The following GRID1 variants were observed in gnomAD, a reference collection of about 807,000 sequenced individuals.
GRID1 encodes the protein glutamate ionotropic receptor delta type subunit 1.
Under a neutral mutation model 98.0 loss-of-function variants are expected in GRID1, and 28 were observed. The observed-to-expected ratio is 0.29, with a 90% confidence interval of 0.21 to 0.39. The LOEUF (loss-of-function observed/expected upper bound fraction) is 0.39, where lower values mean the gene tolerates loss of function less well. GRID1 is among the 10% of genes least tolerant of loss of function. GRID1 has a pLI of 1.00. For synonymous variants in GRID1, 553 were observed against 538.5 expected (o/e 1.03, Z -0.37); for missense variants, 1,111 against 1,340.5 (o/e 0.83, Z 2.67).
intron 5 of GRID1, among the ~76,000 whole-genome samples, chr10:85,896,260 T>A (rs890190661): frequency 5.3e-5 from 8 of 152,194 alleles, no homozygotes; most frequent in Middle Eastern, 3.2e-3. Context: ...ATTAAAATGA[T>A]CTACCCAATA....
At chr10:85,991,315 G>T (rs61856008) in intron 4 of GRID1, among the ~76,000 whole-genome samples, 8,512 of 152,262 alleles carry the variant, frequency 0.056, 300 homozygotes, top group Middle Eastern at 0.092. Flanking sequence ...GCAAAGTAGG[G>T]GAGGAGCAAA....
rs553917126 is a variant in GRID1, at chr10:85,793,858, C to T, written c.1233+60638G>A. 7.2e-5 allele frequency among the ~76,000 whole-genome samples: 11 copies of T among 152,212 alleles called. 1 individual carries two copies. The South Asian group carries it at 2.3e-3, about 32-fold the overall frequency. On this transcript the variant is annotated intron_variant, in intron 8 of 15. Transcript: ENST00000327946. ...CTCTGCAGAGCATTCCTGGGATAGT[C>T]CTGGGTCCTACCAGGAATGACAACA...
At chr10:86,006,599 A>G (rs1842863413) in intron 4 of GRID1, among the ~76,000 whole-genome samples, 1 of 152,056 alleles carries the variant, frequency 6.6e-6, no homozygotes, top group African/African-American at 2.4e-5. Context: ...GCCTGGCGAC[A>G]GAGCGAGACG....
intron 4 of GRID1, among the ~76,000 whole-genome samples, chr10:85,995,389 A>G (rs1406139683): frequency 6.6e-6 from 1 of 152,204 alleles, no homozygotes; most frequent in Non-Finnish European, 1.5e-5. Context: ...CAGGGTCTCC[A>G]GCCTTAGGGG....
intron 13 of GRID1, among the ~76,000 whole-genome samples, chr10:85,620,297 T>G (rs1397846483): frequency 1.3e-5 from 2 of 152,148 alleles, no homozygotes; most frequent in Admixed American, 6.5e-5. Context: ...GAGCTAGAGG[T>G]GGGCTCTAAG....
intron 2 of GRID1, among the ~76,000 whole-genome samples, chr10:86,340,185 G>A (rs913448528): frequency 7.9e-5 from 12 of 152,146 alleles, no homozygotes; most frequent in Non-Finnish European, 1.8e-4. Flanking sequence ...GCTGAGCAAG[G>A]ATCAGAGCAA....
At chr10:86,087,006 T>C (rs142473437) in intron 4 of GRID1, among the ~76,000 whole-genome samples, 7 of 152,358 alleles carry the variant, frequency 4.6e-5, no homozygotes, top group African/African-American at 1.7e-4. Flanking sequence ...TTCTTGCCTG[T>C]GTATGTCAAA....
chr10:85,718,016 C>T (rs995051429), intron 12 of GRID1, among the ~76,000 whole-genome samples: 1 of 152,194 alleles, frequency 6.6e-6, no homozygotes, highest in Non-Finnish European at 1.5e-5. Context: ...GCAACTCCGC[C>T]CCTGTGGCTT....
intron 8 of GRID1, among the ~76,000 whole-genome samples, chr10:85,741,696 T>G (rs1165977460): frequency 6.6e-6 from 1 of 152,142 alleles, no homozygotes; most frequent in Non-Finnish European, 1.5e-5. Flanking sequence ...TATTTCATTC[T>G]TCTCAAAATT....
At chr10:85,709,115 T>C (rs1015864125) in intron 12 of GRID1, 5 of 337,326 alleles carry the variant, frequency 1.5e-5, no homozygotes, top group East Asian at 8.6e-5. Flanking sequence ...GACTTTGAGA[T>C]GGTATACCAG....
chr10:86,065,557 T>C (rs943387594), intron 4 of GRID1, among the ~76,000 whole-genome samples: 1 of 152,250 alleles, frequency 6.6e-6, no homozygotes, highest in Non-Finnish European at 1.5e-5. Flanking sequence ...GTCTATTTCC[T>C]AGCCAGTGGG....
intron 8 of GRID1, among the ~76,000 whole-genome samples, chr10:85,742,381 A>G (rs1344459394): frequency 6.6e-6 from 1 of 152,204 alleles, no homozygotes; most frequent in Non-Finnish European, 1.5e-5. Context: ...ATTAAGCGGC[A>G]GGCTGCATTG....
At chr10:85,668,253 C>T (rs1239609190) in intron 12 of GRID1, among the ~76,000 whole-genome samples, 1 of 152,180 alleles carries the variant, frequency 6.6e-6, no homozygotes, top group Non-Finnish European at 1.5e-5. Context: ...GAAAGAAATG[C>T]ACATAGACAA....
In GRID1 at chr10:85,603,903, A is replaced by G. The variant is rs185778932; in HGVS notation, c.2602-1202T>C. On this transcript the variant is annotated intron_variant, in intron 15 of 15. Transcript: ENST00000327946. Reference sequence around the variant, plus strand: ...CCCCTGTCCACCTTGCAGGGGAGTTAGAAATATTAAGAAATGTAGAAGCCC... The same window carrying G: ...CCCCTGTCCACCTTGCAGGGGAGTTGGAAATATTAAGAAATGTAGAAGCCC... 7.0e-4 allele frequency among the ~76,000 whole-genome samples: 107 copies of G among 152,032 alleles called. 1 individual carries two copies. Among genetic ancestry groups the G allele is most frequent in the Middle Eastern group, 3.4e-3 (1 of 294 alleles).
chr10:86,132,687 G>A (rs959977716), intron 4 of GRID1, among the ~76,000 whole-genome samples: 6 of 152,202 alleles, frequency 3.9e-5, no homozygotes, highest in African/African-American at 9.6e-5. Flanking sequence ...ACAACAGAAC[G>A]TTGAGATTGC....
At chr10:85,972,997 T>A (rs1034417550) in intron 4 of GRID1, among the ~76,000 whole-genome samples, 1 of 152,212 alleles carries the variant, frequency 6.6e-6, no homozygotes, top group Non-Finnish European at 1.5e-5. Context: ...CCTGAAGATG[T>A]TCATTTTGCT....
chr10:86,068,224 G>T (rs1471029703), intron 4 of GRID1, among the ~76,000 whole-genome samples: 1 of 152,178 alleles, frequency 6.6e-6, no homozygotes, highest in African/African-American at 2.4e-5. Context: ...TGTGACCCAG[G>T]TGTGGTTGAT....
chr10:85,780,265 A>C (rs1842369501), intron 8 of GRID1, among the ~76,000 whole-genome samples: 1 of 152,194 alleles, frequency 6.6e-6, no homozygotes, highest in Non-Finnish European at 1.5e-5. Context: ...CAGTCCAGAT[A>C]GACCAGAACC....
intron 5 of GRID1, among the ~76,000 whole-genome samples, chr10:85,880,997 A>T (rs999709073): frequency 1.3e-5 from 2 of 152,226 alleles, no homozygotes; most frequent in Admixed American, 6.5e-5. Flanking sequence ...ACAGAGAGCC[A>T]AATCATGAGT....
Sources: gnomAD v4.1 joint callset for allele counts (sites outside exome capture counted in the v4.1 genomes callset) on GRCh38, gnomAD v4.1.1 for gene constraint, MANE v1.5 for transcripts, NCBI Gene and HGNC (gene_info 2026-07-23, HGNC 2026-07-21) for gene names.